DNAH11: variants seen among roughly 807,000 people sequenced by gnomAD.
The protein encoded by DNAH11 is dynein axonemal heavy chain 11.
In DNAH11, 442 loss-of-function variants were observed where a neutral mutation model predicts 526.0. The observed-to-expected ratio is 0.84, with a 90% CI of 0.78 to 0.91. The LOEUF (loss-of-function observed/expected upper bound fraction) is 0.91, where lower values mean the gene tolerates loss of function less well. DNAH11 is among the 40% of genes least tolerant of loss of function. The pLI is 0.00. For synonymous variants in DNAH11, 2,461 were observed against 1,935.9 expected (o/e 1.27, Z -7.12); for missense variants, 6,989 against 5,448.7 (o/e 1.28, Z -8.90).
intron 76 of DNAH11, among the ~76,000 whole-genome samples, chr7:21,890,301 A>G (rs1222696499): frequency 1.3e-5 from 2 of 152,180 alleles, no homozygotes; most frequent in African/African-American, 2.4e-5. Context: ...ATTGCCTACC[A>G]TATGGAAGGC....
At position 21,881,588 on chromosome 7, in the gene DNAH11, G is replaced by A. The variant is rs566002787; in HGVS notation, c.12387+695G>A. ...ATTTTCTAGCTTAATCCTCACAAGG[G>A]AAACTTTTTTCATTAAGTTAAATCC... On this transcript the variant is annotated intron_variant, in intron 75 of 81. Coordinates refer to ENST00000409508, the MANE Select transcript of DNAH11 (RefSeq NM_001277115.2). Among the ~76,000 whole-genome samples, 8 of 152,304 alleles carry A rather than the reference G, an allele frequency of 5.3e-5. No individual in the cohort carries two copies. In the South Asian group the frequency reaches 1.5e-3, roughly 28 times the overall value.
chr7:21,770,517 T>C (rs1787390824), intron 55 of DNAH11, among the ~76,000 whole-genome samples: 1 of 152,196 alleles, frequency 6.6e-6, no homozygotes, highest in African/African-American at 2.4e-5. Flanking sequence ...GCTGTGAATT[T>C]GCACTGCTTA....
intron 62 of DNAH11, among the ~76,000 whole-genome samples, chr7:21,801,509 C>T (rs1249196795): frequency 6.6e-6 from 1 of 152,194 alleles, no homozygotes; most frequent in African/African-American, 2.4e-5. Flanking sequence ...CCAACGAAAA[C>T]AGGGAAGACA....
intron 34 of DNAH11, among the ~76,000 whole-genome samples, chr7:21,689,287 T>C (rs1783513986): frequency 6.6e-6 from 1 of 152,248 alleles, no homozygotes; most frequent in East Asian, 1.9e-4. Flanking sequence ...TGGAGATTTA[T>C]GTAACTGATC....
intron 61 of DNAH11, among the ~76,000 whole-genome samples, chr7:21,789,856 C>CTCCT (rs1174350653): frequency 2.6e-5 from 2 of 77,670 alleles, no homozygotes; most frequent in East Asian, 5.5e-4. Context: ...TTCTTTCTCT[C>CTCCT]TCCTTCCTTC....
chr7:21,712,123 A>G (rs1465610982), intron 42 of DNAH11, among the ~76,000 whole-genome samples: 2 of 152,178 alleles, frequency 1.3e-5, no homozygotes, highest in African/African-American at 2.4e-5. Flanking sequence ...ATATAAATGG[A>G]ATCATACAGT....
chr7:21,651,216 T>C (rs1261411794), intron 28 of DNAH11, among the ~76,000 whole-genome samples: 1 of 152,166 alleles, frequency 6.6e-6, no homozygotes, highest in African/African-American at 2.4e-5. Context: ...AGGCTTTGTG[T>C]ATATTTTATC....
intron 64 of DNAH11, 54 bp from the exon 65 acceptor site, chr7:21,818,163 G>T (rs929976791): frequency 8.0e-5 from 125 of 1,562,688 alleles, no homozygotes; most frequent in Non-Finnish European, 7.9e-5. Context: ...AAAAAATTTT[G>T]AACATTTTGT....
chr7:21,693,305 C>T (rs1000901580), intron 35 of DNAH11, among the ~76,000 whole-genome samples: 6 of 152,194 alleles, frequency 3.9e-5, no homozygotes, highest in East Asian at 3.8e-4. Flanking sequence ...TTCGGTGTTG[C>T]ATTCCAGGGA....
chr7:21,895,114 C>A, intron 79 of DNAH11, 115 bp downstream of exon 79: 1 of 828,448 alleles, frequency 1.2e-6, no homozygotes, highest in East Asian at 2.6e-5. Context: ...TGTTCTCAAC[C>A]TGTAACCGTA....
In DNAH11 at chr7:21,611,120, G is replaced by A. The variant is rs1785506976; in HGVS notation, c.3853-3994G>A. Reference sequence around the variant, plus strand: ...GAAGATCCACCTGCAGTGCGGGTGGGCATTGTCCAATTGGCTGGGGGCCCA... The same window carrying A: ...GAAGATCCACCTGCAGTGCGGGTGGACATTGTCCAATTGGCTGGGGGCCCA... On this transcript the variant is annotated intron_variant, in intron 20 of 81. Transcript: ENST00000409508. 2.0e-5 allele frequency among the ~76,000 whole-genome samples: 3 copies of A among 152,242 alleles called. No individual in the cohort carries two copies. The South Asian group carries it at 6.2e-4, about 32-fold the overall frequency.
chr7:21,833,406 G>A (rs1263927597), intron 65 of DNAH11, among the ~76,000 whole-genome samples: 2 of 152,160 alleles, frequency 1.3e-5, no homozygotes, highest in African/African-American at 4.8e-5. Context: ...AAAGATGACA[G>A]GATGGGCTGG....
chr7:21,569,161 T>C (rs913552999), intron 6 of DNAH11, among the ~76,000 whole-genome samples: 1 of 152,228 alleles, frequency 6.6e-6, no homozygotes, highest in Non-Finnish European at 1.5e-5. Context: ...GTCATATGCC[T>C]ACATTTAGGG....
At chr7:21,742,234 T>C in intron 49 of DNAH11, 68 bp downstream of exon 49, 1 of 1,518,628 alleles carries the variant, frequency 6.6e-7, no homozygotes, top group Admixed American at 1.9e-5. Context: ...TATTAGCCCA[T>C]TTTTTATGTC....
chr7:21,671,291 G>A (rs923215672), intron 30 of DNAH11, among the ~76,000 whole-genome samples: 10 of 152,204 alleles, frequency 6.6e-5, no homozygotes, highest in African/African-American at 2.4e-4. Context: ...ATCTGGCCCA[G>A]TGTCTATTGT....
intron 55 of DNAH11, among the ~76,000 whole-genome samples, chr7:21,769,566 C>A (rs1007095302): frequency 6.6e-6 from 1 of 151,980 alleles, no homozygotes; most frequent in African/African-American, 2.4e-5. Context: ...CTCACTGCAA[C>A]TTCCGCCTCT....
Position 21,861,968 on chromosome 7 carries a change from G to C in DNAH11, c.11318G>C (p.Ser3773Thr). Residue 3773 changes from serine (S) to threonine (T), a missense_variant, in exon 69 of 82, where the codon AGC (serine) becomes ACC (threonine). Coordinates refer to ENST00000409508, the MANE Select transcript of DNAH11 (RefSeq NM_001277115.2). Reference protein sequence around the residue: ...SITHAVFLYTSQALFEKDKLT... With the variant: ...SITHAVFLYTTQALFEKDKLT... ...ACCCATGCTGTCTTCCTCTACACCA[G>C]CCAGGCGCTGTTTGAGAAGGACAAG... 6.2e-7 allele frequency: 1 copy of C among 1,613,700 alleles called. No individual in the cohort carries two copies. Among genetic ancestry groups the C allele is most frequent in the Non-Finnish European group, 8.5e-7 (1 of 1,179,772 alleles).
intron 2 of DNAH11, among the ~76,000 whole-genome samples, chr7:21,553,046 T>C (rs902196910): frequency 2.0e-5 from 3 of 151,176 alleles, no homozygotes; most frequent in Non-Finnish European, 4.4e-5. Context: ...GCTGGTGATA[T>C]TTTCTCCCTT....
chr7:21,637,193 T>A (rs560037711), intron 26 of DNAH11, among the ~76,000 whole-genome samples: 9 of 152,154 alleles, frequency 5.9e-5, no homozygotes, highest in African/African-American at 2.2e-4. Flanking sequence ...TCTCTCTTTC[T>A]CTCTCTCCCT....
Sources: gnomAD v4.1 joint callset for allele counts (sites outside exome capture counted in the v4.1 genomes callset) on GRCh38, gnomAD v4.1.1 for gene constraint, MANE v1.5 for transcripts, NCBI Gene and HGNC (gene_info 2026-07-23, HGNC 2026-07-21) for gene names.